KIF26B: variants seen among roughly 807,000 people sequenced by gnomAD.
The protein encoded by KIF26B is kinesin family member 26B, also known as kinesin-like protein KIF26B.
Under a neutral mutation model 151.2 loss-of-function variants are expected in KIF26B, and 63 were observed. That is an observed-to-expected ratio of 0.42 (90% CI 0.34 to 0.51). KIF26B has a LOEUF of 0.51. Among genes scored for constraint, KIF26B ranks in the 20% least tolerant of loss-of-function variants. The pLI, the probability that KIF26B is intolerant of heterozygous loss-of-function variation, is 0.07. For synonymous variants in KIF26B, 1,357 were observed against 1,262.1 expected, an observed-to-expected ratio of 1.08 and a Z score of -1.59; for missense variants, 2,813 against 2,913.6, an observed-to-expected ratio of 0.97 and a Z score of 0.79.
intron 3 of KIF26B, among the ~76,000 whole-genome samples, chr1:245,407,397 T>C (rs1674160142): frequency 1.3e-5 from 2 of 152,312 alleles, no homozygotes; most frequent in South Asian, 4.2e-4. Context: ...TGGTTTTCTC[T>C]CCCCGCTTCC....
intron 2 of KIF26B, among the ~76,000 whole-genome samples, chr1:245,276,811 C>G (rs990863): frequency 0.45 from 69,080 of 152,092 alleles, 16,521 homozygotes; most frequent in East Asian, 0.59. Context: ...TGTTGAATTG[C>G]TGTCTCTGTA....
chr1:245,358,720 A>G lies in KIF26B; in HGVS notation c.466-8114A>G, dbSNP rs1672752513. Reference sequence around the variant, plus strand: ...TGCCTGCTGGCACATTAAAGCCTACATGTAAAAAATACATCAAGTCTAGAT... The same window carrying G: ...TGCCTGCTGGCACATTAAAGCCTACGTGTAAAAAATACATCAAGTCTAGAT... On this transcript the variant is annotated intron_variant, in intron 2 of 14. Coordinates refer to ENST00000407071, the MANE Select transcript of KIF26B (RefSeq NM_018012.4). The surrounding 1 kb of genome is among the most constrained non-coding windows in gnomAD (Gnocchi z 4.1). Among the ~76,000 whole-genome samples the G allele has an allele frequency of 6.6e-6, 1 of 152,250 alleles. No individual in the cohort carries two copies. Among genetic ancestry groups the G allele is most frequent in the African/African-American group, 2.4e-5 (1 of 41,476 alleles).
At chr1:245,155,777 C>T (rs1299702876) in intron 1 of KIF26B, among the ~76,000 whole-genome samples, 1 of 152,230 alleles carries the variant, frequency 6.6e-6, no homozygotes, top group African/African-American at 2.4e-5. Flanking sequence ...GGGAGGGTTT[C>T]CCATGAATGC....
At chr1:245,235,595 A>G (rs1670090867) in intron 2 of KIF26B, among the ~76,000 whole-genome samples, 1 of 151,984 alleles carries the variant, frequency 6.6e-6, no homozygotes, top group Non-Finnish European at 1.5e-5. Context: ...GAAACAAAGA[A>G]AAGAAAAGAA....
intron 2 of KIF26B, among the ~76,000 whole-genome samples, chr1:245,172,637 C>T (rs1668733299): frequency 6.6e-6 from 1 of 152,114 alleles, no homozygotes; most frequent in African/African-American, 2.4e-5. Flanking sequence ...TGGTGAAACC[C>T]CATCTCTACT....
chr1:245,446,949 T>G (rs1659262067), intron 4 of KIF26B, among the ~76,000 whole-genome samples: 1 of 152,170 alleles, frequency 6.6e-6, no homozygotes. Flanking sequence ...TCTTTCATAT[T>G]TGGAGAGATA....
intron 2 of KIF26B, among the ~76,000 whole-genome samples, chr1:245,158,870 G>GTGTGTGTGTGTGTGTGTGTGGT (rs556695816): frequency 1.9e-4 from 8 of 42,564 alleles, no homozygotes; most frequent in African/African-American, 5.8e-4. Flanking sequence ...GTGTGTGTGT[G>GTGTGTGTGTGTGTGTGTGTGGT]GTGTGTGTTT....
chr1:245,419,118 C>A, intron 3 of KIF26B, among the ~76,000 whole-genome samples: 1 of 152,274 alleles, frequency 6.6e-6, no homozygotes, highest in East Asian at 1.9e-4. Context: ...CACCAAATAC[C>A]GTTGTATTTT....
chr1:245,184,109 C>G (rs2103529256), intron 2 of KIF26B, among the ~76,000 whole-genome samples: 1 of 86,660 alleles, frequency 1.2e-5, no homozygotes, highest in Non-Finnish European at 2.3e-5. Flanking sequence ...CTCCAAGTCC[C>G]CCAAGGATCA....
chr1:245,274,492 G>A (rs1291812887), intron 2 of KIF26B, among the ~76,000 whole-genome samples: 1 of 151,686 alleles, frequency 6.6e-6, no homozygotes, highest in Non-Finnish European at 1.5e-5. Context: ...TTCTGTTCTT[G>A]TGTTAGTTTG....
chr1:245,155,619 G>A (rs1235134751), intron 1 of KIF26B, 132 bp downstream of exon 1: 19 of 750,062 alleles, frequency 2.5e-5, no homozygotes, highest in Non-Finnish European at 4.0e-5. Flanking sequence ...GGCTGGCGGG[G>A]TTGTGAGTGC....
chr1:245,684,302 G>T lies in KIF26B; in HGVS notation c.2328G>T (p.Ala776=), dbSNP rs766252476. 1.9e-6 allele frequency: 3 copies of T among 1,613,976 alleles called. No homozygotes were observed. The highest frequency in any genetic ancestry group is 1.6e-4 in the Middle Eastern group (1 of 6,062). Residue 776 remains alanine, a synonymous_variant, in exon 11 of 15, where the codon GCG becomes GCT. Coordinates refer to ENST00000407071, the MANE Select transcript of KIF26B (RefSeq NM_018012.4). ...GNMNCRTTMI[A]HISAAVGSYA... ...TGAACTGCCGTACCACCATGATCGC[G>T]CACATCTCGGCCGCGGTCGGGAGCT...
rs553607244 is a variant in KIF26B at position 245,383,102 on chromosome 1, G to A, written c.999+15735G>A. Among the ~76,000 whole-genome samples, 3 of 151,250 alleles carry A rather than the reference G, an allele frequency of 2.0e-5. No homozygotes were observed. In the East Asian group the frequency reaches 5.8e-4, roughly 29 times the overall value. On this transcript the variant is annotated intron_variant, in intron 3 of 14. Coordinates refer to ENST00000407071, the MANE Select transcript of KIF26B (RefSeq NM_018012.4). ...ACTCTGACCTGAGAAGCTCTATAAA[G>A]TCAACCCACACAGATTACTCACAGA...
At chr1:245,307,748 T>G (rs1324143066) in intron 2 of KIF26B, among the ~76,000 whole-genome samples, 1 of 151,466 alleles carries the variant, frequency 6.6e-6, no homozygotes, top group African/African-American at 2.4e-5. Context: ...CTCTCTTTTT[T>G]TTTTTTTTTT....
chr1:245,370,228 T>C (rs1673079671), intron 3 of KIF26B, among the ~76,000 whole-genome samples: 2 of 152,154 alleles, frequency 1.3e-5, no homozygotes, highest in African/African-American at 4.8e-5. Context: ...ACTTAATACA[T>C]TGGGTACATT....
At position 245,218,797 on chromosome 1, in the gene KIF26B, A is replaced by T. The variant is rs1180476116; in HGVS notation, c.465+62114A>T. 6.6e-6 allele frequency among the ~76,000 whole-genome samples: 1 copy of T among 152,188 alleles called. No individual in the cohort carries two copies. Among genetic ancestry groups the T allele is most frequent in the Admixed American group, 6.5e-5 (1 of 15,284 alleles). On this transcript the variant is annotated intron_variant, in intron 2 of 14. Coordinates refer to ENST00000407071, the MANE Select transcript of KIF26B (RefSeq NM_018012.4). The surrounding 1 kb of genome is among the most constrained non-coding windows in gnomAD (Gnocchi z 4.1). Reference sequence around the variant, plus strand: ...ATTAATAAACAGGATGAGCCTTTTTAAAAAAGGGAGCTTGGGGCAGAATGA... The same window carrying T: ...ATTAATAAACAGGATGAGCCTTTTTTAAAAAGGGAGCTTGGGGCAGAATGA...
intron 2 of KIF26B, among the ~76,000 whole-genome samples, chr1:245,275,711 T>C (rs1670925115): frequency 6.6e-6 from 1 of 152,196 alleles, no homozygotes; most frequent in Non-Finnish European, 1.5e-5. Flanking sequence ...TATTATAGTA[T>C]TCTGTATTTG....
rs2042936092 is a variant in KIF26B at position 245,560,532 on chromosome 1, T to C, written c.1350+19582T>C. On this transcript the variant is annotated intron_variant, in intron 5 of 14. Coordinates refer to ENST00000407071, the MANE Select transcript of KIF26B (RefSeq NM_018012.4). The surrounding 1 kb of genome is among the most constrained non-coding windows in gnomAD (Gnocchi z 4.3). ...TTATGATACTCTCGGTTCCTAATTA[T>C]GTTAGAAAAAAAAGCAAAGCGGGAA... Among the ~76,000 whole-genome samples the C allele has an allele frequency of 5.9e-5, 9 of 152,136 alleles. No homozygotes were observed. The highest frequency in any genetic ancestry group is 5.9e-4 in the Admixed American group (9 of 15,274).
intron 3 of KIF26B, among the ~76,000 whole-genome samples, chr1:245,387,608 G>C (rs140802605): frequency 6.6e-6 from 1 of 152,128 alleles, no homozygotes; most frequent in Non-Finnish European, 1.5e-5. Context: ...CGGGAGGATC[G>C]CTTGAGCCTG....
Sources: allele counts gnomAD v4.1 joint callset (sites outside exome capture counted in the v4.1 genomes callset), GRCh38; gene constraint gnomAD v4.1.1; non-coding constraint Gnocchi (gnomAD v3.1); transcripts MANE v1.5; gene names NCBI Gene and HGNC (gene_info 2026-07-23, HGNC 2026-07-21).